Variants in OXR1 observed in about 807,000 individuals in gnomAD.
The protein encoded by OXR1 is oxidation resistance protein 1.
A neutral mutation model predicts 104.6 loss-of-function variants in OXR1; 41 were observed. The ratio of observed to expected loss-of-function variants is 0.39; its 90% confidence interval spans 0.31 to 0.51. The LOEUF is 0.51. Ranked by LOEUF, OXR1 falls within the 20% of genes least tolerant of loss-of-function variation. The pLI is 0.77. For synonymous variants in OXR1, 348 were observed against 348.4 expected (o/e 1.00, Z 0.01); for missense variants, 955 against 1,031.9 (o/e 0.93, Z 1.02).
At chr8:106,652,300 A>G (rs533408853) in intron 3 of OXR1, among the ~76,000 whole-genome samples, 11 of 152,156 alleles carry the variant, frequency 7.2e-5, no homozygotes, top group Non-Finnish European at 1.0e-4. Flanking sequence ...ATTTTCAAGA[A>G]ATTCAGTGAT....
At chr8:106,299,882 G>C (rs1216488327) in intron 1 of OXR1, among the ~76,000 whole-genome samples, 1 of 152,176 alleles carries the variant, frequency 6.6e-6, no homozygotes, top group Non-Finnish European at 1.5e-5. Context: ...CTACATCACA[G>C]TTTTGTGGGA....
intron 3 of OXR1, among the ~76,000 whole-genome samples, chr8:106,535,931 A>C (rs566917453): frequency 2.5e-4 from 38 of 152,214 alleles, no homozygotes; most frequent in Non-Finnish European, 4.3e-4. Flanking sequence ...ATAGAAAACA[A>C]ATTTTCAGGC....
At chr8:106,572,926 G>A (rs1817578315) in intron 3 of OXR1, among the ~76,000 whole-genome samples, 1 of 152,120 alleles carries the variant, frequency 6.6e-6, no homozygotes, top group East Asian at 1.9e-4. Context: ...CTGTAGTCAA[G>A]CAAGCCAATG....
At chr8:106,451,742 A>G (rs1346163646) in intron 2 of OXR1, among the ~76,000 whole-genome samples, 2 of 152,220 alleles carry the variant, frequency 1.3e-5, no homozygotes, top group Non-Finnish European at 1.5e-5. Flanking sequence ...TATTCTGCAT[A>G]TATTTCCAAT....
chr8:106,273,254 A>AAAG (rs555450616), intron 1 of OXR1, among the ~76,000 whole-genome samples: 1 of 152,116 alleles, frequency 6.6e-6, no homozygotes, highest in African/African-American at 2.4e-5. Context: ...GAAAAAAAAA[A>AAAG]AAGAAGAAGA....
intron 6 of OXR1, among the ~76,000 whole-genome samples, chr8:106,691,410 CTT>C (rs933315448): frequency 2.0e-5 from 3 of 151,780 alleles, no homozygotes; most frequent in African/African-American, 7.3e-5. Context: ...CTCTGAACAA[CTT>C]TGATCTTTTT....
intron 11 of OXR1, among the ~76,000 whole-genome samples, chr8:106,727,539 C>T (rs762439917): frequency 3.9e-5 from 6 of 151,994 alleles, no homozygotes; most frequent in East Asian, 1.9e-4. Flanking sequence ...TGCCTCAGCC[C>T]GGCAAGTAGC....
chr8:106,568,320 C>T (rs1275157925), intron 3 of OXR1, among the ~76,000 whole-genome samples: 1 of 152,140 alleles, frequency 6.6e-6, no homozygotes, highest in Non-Finnish European at 1.5e-5. Context: ...AGTTCCAATA[C>T]TGATTCTTCA....
At chr8:106,745,983 T>A in intron 16 of OXR1, 121 bp downstream of exon 16, 1 of 601,814 alleles carries the variant, frequency 1.7e-6, no homozygotes, top group South Asian at 2.4e-5. Context: ...TTGTATATTA[T>A]GAAAAAGAGA....
At chr8:106,347,711 A>C (rs1815557659) in intron 1 of OXR1, among the ~76,000 whole-genome samples, 1 of 152,190 alleles carries the variant, frequency 6.6e-6, no homozygotes, top group African/African-American at 2.4e-5. Context: ...AAATACCTAT[A>C]AATGATTAAT....
intron 3 of OXR1, among the ~76,000 whole-genome samples, chr8:106,521,423 C>T (rs1813248644): frequency 1.3e-5 from 2 of 152,300 alleles, no homozygotes; most frequent in African/African-American, 4.8e-5. Flanking sequence ...AGAGCAGGCT[C>T]TGCAAATTAA....
At chr8:106,350,359 T>C (rs899247026) in intron 1 of OXR1, among the ~76,000 whole-genome samples, 7 of 152,192 alleles carry the variant, frequency 4.6e-5, no homozygotes, top group African/African-American at 1.7e-4. Flanking sequence ...TATTTAAAAG[T>C]TGCTGTAAGG....
At chr8:106,452,594 C>T (rs1226671040) in intron 2 of OXR1, among the ~76,000 whole-genome samples, 1 of 152,130 alleles carries the variant, frequency 6.6e-6, no homozygotes, top group Non-Finnish European at 1.5e-5. Context: ...GGGCCACCTG[C>T]TCTATTTGAT....
At chr8:106,684,457 A>G in intron 6 of OXR1, 98 bp downstream of exon 6, 1 of 659,492 alleles carries the variant, frequency 1.5e-6, no homozygotes, top group South Asian at 1.9e-5. Context: ...TATGGTTAGA[A>G]TGAAATATTT....
At chr8:106,660,962 G>A (rs905823476) in intron 3 of OXR1, among the ~76,000 whole-genome samples, 6 of 151,890 alleles carry the variant, frequency 4.0e-5, no homozygotes, top group African/African-American at 9.7e-5. Context: ...CAGTGAGATC[G>A]CCCTACTGCA....
chr8:106,287,014 A>G (rs1201360760), intron 1 of OXR1, among the ~76,000 whole-genome samples: 1 of 152,166 alleles, frequency 6.6e-6, no homozygotes, highest in African/African-American at 2.4e-5. Flanking sequence ...CCACAGCTTC[A>G]TTCCATTTGG....
At chr8:106,333,675 C>T (rs1447536606) in intron 1 of OXR1, among the ~76,000 whole-genome samples, 1 of 151,954 alleles carries the variant, frequency 6.6e-6, no homozygotes, top group African/African-American at 2.4e-5. Flanking sequence ...AAGTAGAGGT[C>T]CAATCCACTT....
intron 3 of OXR1, among the ~76,000 whole-genome samples, chr8:106,582,177 CATATATATATAT>C (rs71562108): frequency 3.0e-4 from 36 of 119,328 alleles, no homozygotes; most frequent in African/African-American, 1.3e-3. Flanking sequence ...TTTCTATTGA[CATATATATATAT>C]ATATATATAT....
At chr8:106,436,091 A>G (rs1439711491) in intron 2 of OXR1, among the ~76,000 whole-genome samples, 2 of 150,142 alleles carry the variant, frequency 1.3e-5, no homozygotes, top group Non-Finnish European at 2.9e-5. Context: ...ACAAAAACAG[A>G]TACTGTTTAT....
Sources: gnomAD v4.1 joint callset for allele counts (sites outside exome capture counted in the v4.1 genomes callset) on GRCh38, gnomAD v4.1.1 for gene constraint, MANE v1.5 for transcripts, NCBI Gene and HGNC (gene_info 2026-07-23, HGNC 2026-07-21) for gene names.